The following LOC400499 variants were observed in gnomAD, a reference collection of about 807,000 sequenced individuals.
chr16:11,389,753 C>T, the LOC400499 span, among the ~76,000 whole-genome samples: 1 of 151,198 alleles, frequency 6.6e-6, no homozygotes, highest in African/African-American at 2.4e-5. Flanking sequence ...GCCGAATGGC[C>T]TGCTTAAGAT....
the LOC400499 span, among the ~76,000 whole-genome samples, chr16:11,410,528 G>T: frequency 6.6e-6 from 1 of 152,208 alleles, no homozygotes; most frequent in African/African-American, 2.4e-5. Flanking sequence ...GAAGTTTGAG[G>T]AACTCCAAAA....
the LOC400499 span, among the ~76,000 whole-genome samples, chr16:11,499,496 G>C: frequency 6.6e-6 from 1 of 152,028 alleles, no homozygotes; most frequent in African/African-American, 2.4e-5. Flanking sequence ...ACCCAATCTG[G>C]GCCTGGCTCT....
the LOC400499 span, among the ~76,000 whole-genome samples, chr16:11,526,871 A>G: frequency 6.6e-6 from 1 of 152,110 alleles, no homozygotes; most frequent in African/African-American, 2.4e-5. Flanking sequence ...TGGTCTCTGC[A>G]GCTCCCCAAT....
the LOC400499 span, among the ~76,000 whole-genome samples, chr16:11,512,960 A>T: frequency 6.6e-6 from 1 of 152,178 alleles, no homozygotes; most frequent in African/African-American, 2.4e-5. Flanking sequence ...GGGTGCCGGG[A>T]GCCTGCCCTC....
the LOC400499 span, among the ~76,000 whole-genome samples, chr16:11,503,664 A>G: frequency 1.3e-5 from 2 of 152,172 alleles, no homozygotes; most frequent in Non-Finnish European, 2.9e-5. Flanking sequence ...AGCCTGCAAA[A>G]CAGGCCCTCA....
At chr16:11,526,016 G>A in the LOC400499 span, among the ~76,000 whole-genome samples, 2 of 152,170 alleles carry the variant, frequency 1.3e-5, no homozygotes, top group African/African-American at 4.8e-5. Flanking sequence ...AGCTTTCTCA[G>A]CTGTCAATTC....
At chr16:11,509,080 G>T in the LOC400499 span, among the ~76,000 whole-genome samples, 1 of 151,886 alleles carries the variant, frequency 6.6e-6, no homozygotes, top group Non-Finnish European at 1.5e-5. Flanking sequence ...AACAAACTGT[G>T]GGCCACTCAC....
At chr16:11,449,002 G>A in the LOC400499 span, 33 of 1,524,498 alleles carry the variant, frequency 2.2e-5, no homozygotes, top group African/African-American at 2.7e-4. Context: ...TTACGGTCCC[G>A]GCTGTTCTCA....
chr16:11,426,207 A>G, the LOC400499 span, among the ~76,000 whole-genome samples: 313 of 152,300 alleles, frequency 2.1e-3, 2 homozygotes, highest in African/African-American at 7.2e-3. Flanking sequence ...AGGCTGAGAC[A>G]GGCAGATCAC....
chr16:11,460,033 C>T, the LOC400499 span: 3 of 1,459,980 alleles, frequency 2.1e-6, no homozygotes, highest in South Asian at 2.9e-5. Context: ...TGGCCCGAGT[C>T]CTCCTCATGC....
chr16:11,446,712 C>G, the LOC400499 span: 4 of 1,532,766 alleles, frequency 2.6e-6, no homozygotes, highest in Non-Finnish European at 2.6e-6. Context: ...CTCTGGCTCT[C>G]AGGCCCCTTC....
chr16:11,468,933 C>A, the LOC400499 span, among the ~76,000 whole-genome samples: 4 of 152,212 alleles, frequency 2.6e-5, no homozygotes, highest in Non-Finnish European at 5.9e-5. Context: ...CACCTGAATT[C>A]TTAAAAGCAT....
the LOC400499 span, among the ~76,000 whole-genome samples, chr16:11,445,717 G>C: frequency 6.6e-6 from 1 of 152,242 alleles, no homozygotes; most frequent in Non-Finnish European, 1.5e-5. Context: ...GAGGCTGTCA[G>C]AGTTTGAGAG....
At chr16:11,436,380 G>C in the LOC400499 span, among the ~76,000 whole-genome samples, 4 of 152,108 alleles carry the variant, frequency 2.6e-5, no homozygotes, top group Non-Finnish European at 5.9e-5. Context: ...TGAACATGTA[G>C]CTAGTCCCAA....
the LOC400499 span, among the ~76,000 whole-genome samples, chr16:11,417,131 T>A: frequency 0.15 from 22,693 of 147,574 alleles, 2,209 homozygotes; most frequent in African/African-American, 0.29. Flanking sequence ...TCACCCTCTG[T>A]CCTGTGAATA....
At chr16:11,473,912 G>C in the LOC400499 span, among the ~76,000 whole-genome samples, 1 of 152,246 alleles carries the variant, frequency 6.6e-6, no homozygotes, top group Non-Finnish European at 1.5e-5. Context: ...CTTGAGTGCA[G>C]TGGCATGAAC....
chr16:11,428,150 G>A, the LOC400499 span, among the ~76,000 whole-genome samples: 1 of 152,136 alleles, frequency 6.6e-6, no homozygotes, highest in African/African-American at 2.4e-5. Context: ...TAAACTAGGG[G>A]TGGATTATTC....
At chr16:11,376,033 C>T in the LOC400499 span, among the ~76,000 whole-genome samples, 6 of 152,190 alleles carry the variant, frequency 3.9e-5, no homozygotes, top group South Asian at 4.1e-4. Flanking sequence ...GCCACCGCGC[C>T]GGGCCCTTTG....
the LOC400499 span, chr16:11,523,451 C>T: frequency 1.5e-5 from 6 of 398,632 alleles, no homozygotes; most frequent in Non-Finnish European, 2.2e-5. Context: ...AGGCCACCTG[C>T]CCCACCTGCG....
Sources: gnomAD v4.1 joint callset for allele counts (sites outside exome capture counted in the v4.1 genomes callset) on GRCh38, gnomAD v4.1.1 for gene constraint, MANE v1.5 for transcripts.